STAT5B: variants seen among roughly 807,000 people sequenced by gnomAD.
STAT5B encodes the protein transcription factor STAT5B.
A neutral mutation model predicts 107.8 loss-of-function variants in STAT5B; 21 were observed. The observed-to-expected ratio is 0.19, with a 90% confidence interval of 0.14 to 0.28. The LOEUF (loss-of-function observed/expected upper bound fraction) is 0.28, where lower values mean the gene tolerates loss of function less well. Among genes scored for constraint, STAT5B ranks in the 10% least tolerant of loss-of-function variants. STAT5B has a pLI of 1.00. For missense variants in STAT5B, 565 were observed against 1,008.2 expected (o/e 0.56, Z 5.95); for synonymous variants, 325 against 401.7 (o/e 0.81, Z 2.28).
intron 1 of STAT5B, among the ~76,000 whole-genome samples, chr17:42,266,835 C>A (rs887690321): frequency 6.6e-6 from 1 of 152,088 alleles, no homozygotes; most frequent in Non-Finnish European, 1.5e-5. Flanking sequence ...TGTTTTGATA[C>A]CTTCAACATG....
chr17:42,267,099 C>G (rs1436917043), intron 1 of STAT5B, among the ~76,000 whole-genome samples: 2 of 152,176 alleles, frequency 1.3e-5, no homozygotes, highest in Non-Finnish European at 1.5e-5. Context: ...TGTTGTAATG[C>G]AATGCATGAC....
intron 2 of STAT5B, among the ~76,000 whole-genome samples, chr17:42,228,490 C>T (rs1485473338): frequency 6.6e-6 from 1 of 152,074 alleles, no homozygotes; most frequent in Non-Finnish European, 1.5e-5. Flanking sequence ...CTGAAGAAAC[C>T]AAACAGCTGT....
At chr17:42,281,367 A>T (rs1190586580), upstream of STAT5B, among the ~76,000 whole-genome samples, 1 of 152,164 alleles carries the variant, frequency 6.6e-6, no homozygotes, top group Admixed American at 6.5e-5. Flanking sequence ...AAGGGCAGAG[A>T]CTAACTTTTC....
the STAT5B span, among the ~76,000 whole-genome samples, chr17:42,285,319 T>C: frequency 6.6e-6 from 1 of 152,224 alleles, no homozygotes; most frequent in Admixed American, 6.5e-5. Context: ...CTCAAACTCC[T>C]GGCCTCAAGT....
chr17:42,253,116 C>CTT (rs1217260483), intron 1 of STAT5B, among the ~76,000 whole-genome samples: 1 of 150,598 alleles, frequency 6.6e-6, no homozygotes, highest in African/African-American at 2.4e-5. Context: ...ACCTTTCTTT[C>CTT]TTTCTTTCTT....
chr17:42,221,445 CTG>C (rs1422107046), intron 5 of STAT5B, among the ~76,000 whole-genome samples: 3 of 152,218 alleles, frequency 2.0e-5, no homozygotes, highest in African/African-American at 7.2e-5. Context: ...GATCAATAGT[CTG>C]TGTTTCTGCT....
At chr17:42,227,140 T>C (rs1353295351) in intron 3 of STAT5B, among the ~76,000 whole-genome samples, 6 of 146,184 alleles carry the variant, frequency 4.1e-5, no homozygotes, top group African/African-American at 1.5e-4. Flanking sequence ...GTCTCAAAAA[T>C]AAATAAATAA....
chr17:42,202,038 A>T lies in STAT5B; in HGVS notation c.2238-174T>A, dbSNP rs1598291816. 9.0e-6 allele frequency: 6 copies of T among 666,284 alleles called. No homozygotes were observed. In the East Asian group the frequency reaches 1.6e-4, roughly 18 times the overall value. 41.3% of individuals were successfully genotyped at this position (666,284 alleles called of 1,614,324 possible). A position where few individuals can be genotyped will look rare whatever the true frequency, so the allele number is the denominator to read the frequency against. ...GCTGTACAGCAACTCAGACTGAAAT[A>T]CCCTCCCCTGTTACCTCTCACACCG... is the stretch of plus-strand genomic sequence containing the variant. On this transcript the variant is annotated intron_variant, in intron 18 of 18. Coordinates refer to ENST00000293328, the MANE Select transcript of STAT5B (RefSeq NM_012448.4).
At chr17:42,269,016 A>G (rs540368799) in intron 1 of STAT5B, among the ~76,000 whole-genome samples, 2 of 152,314 alleles carry the variant, frequency 1.3e-5, no homozygotes, top group South Asian at 4.1e-4. Flanking sequence ...TAGATTTTTT[A>G]AAATCCCACT....
intron 12 of STAT5B, chr17:42,214,644 ATACT>A (rs2080155934): frequency 1.0e-6 from 1 of 984,854 alleles, no homozygotes; most frequent in East Asian, 1.1e-4. Flanking sequence ...TTTGTTGGAT[ATACT>A]TAGAGAAGGA....
chr17:42,271,814 T>C (rs548416191), intron 1 of STAT5B: 2 of 152,322 alleles, frequency 1.3e-5, no homozygotes, highest in African/African-American at 2.4e-5. Context: ...TTATAACTTC[T>C]CCTTTCTTGA....
At chr17:42,218,614 G>A (rs1480871496) in intron 8 of STAT5B, 109 bp downstream of exon 8, 1 of 1,585,942 alleles carries the variant, frequency 6.3e-7, no homozygotes, top group Non-Finnish European at 8.6e-7. Context: ...GAGTTGGGAG[G>A]GATGAGAGGC....
chr17:42,264,207 T>A (rs995416259), intron 1 of STAT5B, among the ~76,000 whole-genome samples: 45 of 152,158 alleles, frequency 3.0e-4, no homozygotes, highest in African/African-American at 6.3e-4. Flanking sequence ...CTTTTTTTTT[T>A]AATTTATTTA....
At chr17:42,255,392 G>A (rs1447584622) in intron 1 of STAT5B, among the ~76,000 whole-genome samples, 1 of 152,172 alleles carries the variant, frequency 6.6e-6, no homozygotes, top group Non-Finnish European at 1.5e-5. Context: ...ACTCCCTAGT[G>A]GTATGCAACA....
chr17:42,219,757 C>T lies in STAT5B; in HGVS notation c.636G>A (p.Glu212=). Residue 212 remains glutamate (E), a synonymous_variant, in exon 6 of 19, where the codon GAG becomes GAA. Coordinates refer to ENST00000293328, the MANE Select transcript of STAT5B (RefSeq NM_012448.4). ...TCTGTGCCTCACGCTGCAACCAGGC[C>T]TCCAGAGACACCTGCTTCTGCTGGA... ...TALQQKQVSL[E]AWLQREAQTL... The T allele has an allele frequency of 6.2e-7, 1 of 1,610,882 alleles. No individual in the cohort carries two copies. The highest frequency in any genetic ancestry group is 8.5e-7 in the Non-Finnish European group (1 of 1,178,812).
At chr17:42,224,754 C>T (rs1206479607) in intron 4 of STAT5B, 25 bp downstream of exon 4, 1 of 1,612,504 alleles carries the variant, frequency 6.2e-7, no homozygotes, top group Non-Finnish European at 8.5e-7. Context: ...CCCGACTGCC[C>T]TCCCCATCCC....
At chr17:42,239,343 C>G (rs942990216) in intron 1 of STAT5B, among the ~76,000 whole-genome samples, 1 of 151,632 alleles carries the variant, frequency 6.6e-6, no homozygotes, top group African/African-American at 2.4e-5. Flanking sequence ...GGGAGCCATG[C>G]CTTTACCTAT....
At chr17:42,206,919 C>A (rs923674995) in intron 16 of STAT5B, among the ~76,000 whole-genome samples, 3 of 150,590 alleles carry the variant, frequency 2.0e-5, no homozygotes, top group African/African-American at 7.3e-5. Context: ...CCCTATTGCC[C>A]AGGCTGGAGT....
At chr17:42,256,578 G>C (rs898287136) in intron 1 of STAT5B, among the ~76,000 whole-genome samples, 1 of 151,872 alleles carries the variant, frequency 6.6e-6, no homozygotes, top group Non-Finnish European at 1.5e-5. Flanking sequence ...GACTACATTC[G>C]GCCAGGCACA....
Sources: allele counts gnomAD v4.1 joint callset (sites outside exome capture counted in the v4.1 genomes callset), GRCh38; gene constraint gnomAD v4.1.1; transcripts MANE v1.5; gene names NCBI Gene and HGNC (gene_info 2026-07-23, HGNC 2026-07-21).